The following IGF2BP3 variants were observed in gnomAD, a reference collection of about 807,000 sequenced individuals.
IGF2BP3 encodes the protein insulin-like growth factor 2 mRNA-binding protein 3.
A neutral mutation model predicts 73.8 loss-of-function variants in IGF2BP3; 9 were observed. The ratio of observed to expected loss-of-function variants is 0.12; its 90% CI spans 0.07 to 0.21. The LOEUF (loss-of-function observed/expected upper bound fraction) is 0.21. Ranked by LOEUF, IGF2BP3 falls within the 10% of genes least tolerant of loss-of-function variation. IGF2BP3 has a pLI of 1.00. For synonymous variants in IGF2BP3, 258 were observed against 256.7 expected, an observed-to-expected ratio of 1.01 and a Z score of -0.05; for missense variants, 542 against 714.0, an observed-to-expected ratio of 0.76 and a Z score of 2.75.
In IGF2BP3 at chr7:23,359,829, G is replaced by A. The variant is rs77568670; in HGVS notation, c.401+1705C>T. On this transcript the variant is annotated intron_variant, in intron 5 of 14. Transcript: ENST00000258729. ...AGGGTATAAAAGGTAAAATTTTCCT[G>A]GTCTTCTTACATGATACAACTAAAG... Among the ~76,000 whole-genome samples, 248 of 151,824 alleles carry A rather than the reference G, an allele frequency of 1.6e-3. 1 individual carries two copies. Among genetic ancestry groups the A allele is most frequent in the African/African-American group, 5.7e-3 (236 of 41,378 alleles).
At chr7:23,325,170 G>A (rs1471583259) in intron 10 of IGF2BP3, among the ~76,000 whole-genome samples, 7 of 151,852 alleles carry the variant, frequency 4.6e-5, no homozygotes, top group African/African-American at 7.3e-5. Flanking sequence ...TATCTAGAAA[G>A]CCCCATTGTC....
chr7:23,352,475 G>C (rs1583922729), intron 5 of IGF2BP3, among the ~76,000 whole-genome samples: 1 of 151,930 alleles, frequency 6.6e-6, no homozygotes, highest in South Asian at 2.1e-4. Context: ...TTTTAGTAGA[G>C]ATGGGGTTTC....
chr7:23,459,056 T>A (rs1302621838), intron 2 of IGF2BP3, among the ~76,000 whole-genome samples: 1 of 152,246 alleles, frequency 6.6e-6, no homozygotes, highest in Non-Finnish European at 1.5e-5. Context: ...GTAAAGCATC[T>A]ACTGTGCTAT....
At chr7:23,433,127 G>A (rs899207481) in intron 2 of IGF2BP3, among the ~76,000 whole-genome samples, 1 of 152,162 alleles carries the variant, frequency 6.6e-6, no homozygotes, top group Admixed American at 6.6e-5. Flanking sequence ...GGTAAGAAAG[G>A]AATAAAGAAC....
chr7:23,386,830 G>T (rs558051618), intron 3 of IGF2BP3, among the ~76,000 whole-genome samples: 1 of 151,158 alleles, frequency 6.6e-6, no homozygotes, highest in East Asian at 1.9e-4. Flanking sequence ...CACTTTGGAG[G>T]CCAAGGCAGG....
At chr7:23,395,003 T>A (rs1297096052) in intron 3 of IGF2BP3, among the ~76,000 whole-genome samples, 1 of 152,128 alleles carries the variant, frequency 6.6e-6, no homozygotes, top group Non-Finnish European at 1.5e-5. Flanking sequence ...AAGAAGAACA[T>A]GGAGTAATGA....
At position 23,312,273 on chromosome 7, in the gene IGF2BP3, T is replaced by G; in HGVS notation, c.*89A>C. 1 of 964,712 alleles carries G rather than the reference T, an allele frequency of 1.0e-6. No homozygotes were observed. The highest frequency in any genetic ancestry group is 1.6e-6 in the Non-Finnish European group (1 of 607,206). 59.8% of individuals were successfully genotyped at this position (964,712 alleles called of 1,614,324 possible). On this transcript the variant is annotated 3_prime_UTR_variant, in exon 15 of 15. Coordinates refer to ENST00000258729, the MANE Select transcript of IGF2BP3 (RefSeq NM_006547.3). ...CTAGGTAAAAACTTGTGCATGTGAT[T>G]CTGGATAGGGGGTCAGCGCCCATCT... is the stretch of plus-strand genomic sequence containing the variant.
chr7:23,453,417 A>G (rs915331723), intron 2 of IGF2BP3, among the ~76,000 whole-genome samples: 9 of 152,254 alleles, frequency 5.9e-5, no homozygotes, highest in African/African-American at 2.2e-4. Flanking sequence ...TATCTGTACG[A>G]TACTGTTAAA....
intron 3 of IGF2BP3, among the ~76,000 whole-genome samples, chr7:23,366,164 G>GT (rs1341444497): frequency 1.3e-5 from 2 of 150,508 alleles, no homozygotes; most frequent in Middle Eastern, 3.4e-3. Flanking sequence ...TTTAGACAGA[G>GT]TCTCACTCTA....
intron 2 of IGF2BP3, among the ~76,000 whole-genome samples, chr7:23,457,310 C>A (rs983007035): frequency 6.6e-6 from 1 of 151,834 alleles, no homozygotes; most frequent in African/African-American, 2.4e-5. Flanking sequence ...CCAAAAAATA[C>A]AAAAATTAGC....
chr7:23,364,583 G>T (rs375155271), intron 3 of IGF2BP3, among the ~76,000 whole-genome samples: 3 of 150,148 alleles, frequency 2.0e-5, no homozygotes, highest in Non-Finnish European at 3.0e-5. Context: ...CGGGAGGTTG[G>T]GGGGTGGGGG....
At chr7:23,395,603 A>AC (rs980828370) in intron 3 of IGF2BP3, among the ~76,000 whole-genome samples, 17 of 146,564 alleles carry the variant, frequency 1.2e-4, no homozygotes, top group African/African-American at 2.8e-4. Context: ...CTCTACCCCC[A>AC]CCCCCCCAAA....
chr7:23,317,752 T>A, intron 11 of IGF2BP3, 39 bp from the exon 12 acceptor site: 1 of 1,544,388 alleles, frequency 6.5e-7, no homozygotes, highest in East Asian at 2.2e-5. Context: ...TACTTTCAGG[T>A]ATCACTGATA....
At chr7:23,401,275 G>A (rs1007123250) in intron 3 of IGF2BP3, among the ~76,000 whole-genome samples, 2 of 152,144 alleles carry the variant, frequency 1.3e-5, no homozygotes, top group African/African-American at 4.8e-5. Flanking sequence ...ACCCACCAGA[G>A]GAACAGTTGC....
intron 8 of IGF2BP3, 98 bp from the exon 9 acceptor site, chr7:23,343,951 C>G (rs1266857102): frequency 5.0e-6 from 6 of 1,202,920 alleles, no homozygotes; most frequent in Admixed American, 4.3e-5. Flanking sequence ...AACTGTGGAG[C>G]CTGGTAATAT....
chr7:23,342,902 G>A (rs1784746833), intron 9 of IGF2BP3, among the ~76,000 whole-genome samples: 1 of 152,346 alleles, frequency 6.6e-6, no homozygotes, highest in South Asian at 2.1e-4. Flanking sequence ...AGGTTGGCAA[G>A]AAGTCACGTG....
At chr7:23,390,949 C>T (rs1174315230) in intron 3 of IGF2BP3, among the ~76,000 whole-genome samples, 2 of 151,644 alleles carry the variant, frequency 1.3e-5, no homozygotes, top group Non-Finnish European at 2.9e-5. Flanking sequence ...CAAGCACCCA[C>T]CACTACGCCA....
intron 1 of IGF2BP3, 141 bp from the exon 2 acceptor site, chr7:23,468,683 G>C: frequency 1.2e-6 from 1 of 802,942 alleles, no homozygotes; most frequent in Non-Finnish European, 2.1e-6. Flanking sequence ...GCTCCAGGCG[G>C]AGGGAGAAGC....
intron 2 of IGF2BP3, among the ~76,000 whole-genome samples, chr7:23,456,177 A>G (rs926012010): frequency 3.9e-4 from 59 of 152,014 alleles, no homozygotes; most frequent in Non-Finnish European, 6.8e-4. Flanking sequence ...TAACTCTCCA[A>G]AGAAAGAGCA....
Sources: allele counts gnomAD v4.1 joint callset (sites outside exome capture counted in the v4.1 genomes callset), GRCh38; gene constraint gnomAD v4.1.1; transcripts MANE v1.5; gene names NCBI Gene and HGNC (gene_info 2026-07-23, HGNC 2026-07-21).